Variants in PLCB1 observed in about 807,000 individuals in gnomAD.
PLCB1 encodes the protein phospholipase C beta 1, also known as 1-phosphatidylinositol 4,5-bisphosphate phosphodiesterase beta-1.
PLCB1 carries 46 observed loss-of-function variants against 161.8 expected under a neutral mutation model. That is an observed-to-expected ratio of 0.28 (90% CI 0.22 to 0.36). PLCB1 has a LOEUF of 0.36. Ranked by LOEUF, PLCB1 falls within the 10% of genes least tolerant of loss-of-function variation. PLCB1 has a pLI of 1.00. For missense variants in PLCB1, 1,016 were observed against 1,472.5 expected (o/e 0.69, Z 5.07); for synonymous variants, 517 against 503.7 (o/e 1.03, Z -0.35).
Position 8,769,957 on chromosome 20 carries a change from T to A in PLCB1, c.2931-4582T>A, listed in dbSNP as rs182126713. On this transcript the variant is annotated intron_variant, in intron 26 of 31. Transcript: ENST00000338037. ...GTAATAAAATCATCTCTTTTTTTTT[T>A]GTTTTTTGTTTTTGAGATGGAGTCT... Among the ~76,000 whole-genome samples the A allele has an allele frequency of 4.2e-3, 643 of 152,214 alleles. 4 individuals are homozygous for A. The highest frequency in any genetic ancestry group is 0.015 in the African/African-American group (611 of 41,520).
intron 31 of PLCB1, among the ~76,000 whole-genome samples, chr20:8,821,585 G>A (rs1208160862): frequency 7.2e-6 from 1 of 138,908 alleles, no homozygotes; most frequent in Non-Finnish European, 1.5e-5. Context: ...AAAATGGAGG[G>A]AGGAGAGTAG....
intron 3 of PLCB1, among the ~76,000 whole-genome samples, chr20:8,436,330 A>G (rs1234643485): frequency 1.8e-5 from 1 of 56,290 alleles, no homozygotes; most frequent in African/African-American, 8.1e-5. Context: ...ACCCTGTCAA[A>G]AAAAAAAAAA....
intron 3 of PLCB1, among the ~76,000 whole-genome samples, chr20:8,458,883 T>A (rs1981446406): frequency 6.6e-6 from 1 of 152,206 alleles, no homozygotes; most frequent in South Asian, 2.1e-4. Flanking sequence ...TGACACTCCA[T>A]AAAATACTCT....
chr20:8,350,938 C>T (rs1241126255), intron 2 of PLCB1, among the ~76,000 whole-genome samples: 1 of 152,020 alleles, frequency 6.6e-6, no homozygotes, highest in African/African-American at 2.4e-5. Context: ...TCACATTGAA[C>T]CACGGATTCA....
intron 2 of PLCB1, among the ~76,000 whole-genome samples, chr20:8,279,110 G>A (rs1332081003): frequency 6.6e-6 from 1 of 152,048 alleles, no homozygotes; most frequent in Non-Finnish European, 1.5e-5. Flanking sequence ...TCCTCAAAAA[G>A]TTAAACATAG....
At chr20:8,276,936 T>C (rs6140581) in intron 2 of PLCB1, among the ~76,000 whole-genome samples, 967 of 30,676 alleles carry the variant, frequency 0.032, 10 homozygotes, top group African/African-American at 0.077. Context: ...TTTCTTCTTC[T>C]TCTTCTTCTT....
At chr20:8,627,938 G>T (rs1476889751) in intron 3 of PLCB1, among the ~76,000 whole-genome samples, 7 of 152,156 alleles carry the variant, frequency 4.6e-5, no homozygotes, top group Non-Finnish European at 8.8e-5. Context: ...CTTTGTCTTA[G>T]TGCATTCAGG....
At chr20:8,658,507 T>A (rs773259410) in intron 8 of PLCB1, 31 bp from the exon 9 acceptor site, 49 of 1,528,792 alleles carry the variant, frequency 3.2e-5, no homozygotes, top group Non-Finnish European at 4.2e-5. Flanking sequence ...GTTTAAAAAA[T>A]TCTTATTGCT....
At chr20:8,820,158 G>A (rs1250733407) in intron 31 of PLCB1, among the ~76,000 whole-genome samples, 2 of 146,532 alleles carry the variant, frequency 1.4e-5, no homozygotes, top group Admixed American at 6.8e-5. Flanking sequence ...AGGTGGATAC[G>A]AATTCAACCA....
In PLCB1 at chr20:8,710,315, A is replaced by C. The variant is rs189796372; in HGVS notation, c.1250+1563A>C. 1.0e-3 allele frequency among the ~76,000 whole-genome samples: 156 copies of C among 152,172 alleles called. 1 individual carries two copies. The highest frequency in any genetic ancestry group is 6.0e-4 in the Non-Finnish European group (41 of 68,000). ...CATGAGAACTCACTATCGCAACAACAGTACCAAGGGGAATGGTGTTACACC... is the reference window on the plus strand; with the variant it reads ...CATGAGAACTCACTATCGCAACAACCGTACCAAGGGGAATGGTGTTACACC... On this transcript the variant is annotated intron_variant, in intron 12 of 31. Transcript: ENST00000338037.
intron 2 of PLCB1, among the ~76,000 whole-genome samples, chr20:8,288,691 C>T (rs1031206504): frequency 1.3e-5 from 2 of 152,102 alleles, no homozygotes; most frequent in Admixed American, 1.3e-4. Flanking sequence ...CAGCTGTTAG[C>T]AGCTGACACC....
intron 3 of PLCB1, among the ~76,000 whole-genome samples, chr20:8,528,460 A>G (rs1984669554): frequency 6.6e-6 from 1 of 152,108 alleles, no homozygotes; most frequent in Non-Finnish European, 1.5e-5. Flanking sequence ...AAGTTATTCC[A>G]TTCATACGAG....
At chr20:8,754,934 A>G (rs575885073) in intron 23 of PLCB1, among the ~76,000 whole-genome samples, 1 of 152,306 alleles carries the variant, frequency 6.6e-6, no homozygotes, top group African/African-American at 2.4e-5. Flanking sequence ...TTTGCATATA[A>G]TTCTAGGGAG....
chr20:8,802,357 G>A (rs1193819642), intron 31 of PLCB1: 4 of 518,262 alleles, frequency 7.7e-6, no homozygotes, highest in Non-Finnish European at 1.3e-5. Flanking sequence ...CCTTCCTCTG[G>A]TATTAATTTC....
intron 2 of PLCB1, among the ~76,000 whole-genome samples, chr20:8,224,406 C>T (rs1053280293): frequency 9.2e-5 from 14 of 152,086 alleles, no homozygotes; most frequent in African/African-American, 1.7e-4. Context: ...TGACTAATAA[C>T]GTCTAGATTA....
chr20:8,263,040 A>G (rs2743165), intron 2 of PLCB1, among the ~76,000 whole-genome samples: 54,357 of 152,018 alleles, frequency 0.36, 9,791 homozygotes, highest in East Asian at 0.44. Flanking sequence ...GAACACATAA[A>G]CATTCCTAAT....
chr20:8,196,843 A>G (rs1314627463), intron 2 of PLCB1, among the ~76,000 whole-genome samples: 1 of 140,096 alleles, frequency 7.1e-6, no homozygotes, highest in African/African-American at 2.7e-5. Context: ...AACAGGCCCC[A>G]GTGTGTGATG....
At chr20:8,220,000 A>G (rs1979323004) in intron 2 of PLCB1, among the ~76,000 whole-genome samples, 1 of 152,168 alleles carries the variant, frequency 6.6e-6, no homozygotes, top group Non-Finnish European at 1.5e-5. Flanking sequence ...AATGCCTGGC[A>G]TACAATAAGA....
chr20:8,435,086 G>A (rs1423675838), intron 3 of PLCB1, among the ~76,000 whole-genome samples: 1 of 152,176 alleles, frequency 6.6e-6, no homozygotes, highest in African/African-American at 2.4e-5. Flanking sequence ...AGAGCTACAA[G>A]GTTAATCCAT....
Sources: allele counts gnomAD v4.1 joint callset (sites outside exome capture counted in the v4.1 genomes callset), GRCh38; gene constraint gnomAD v4.1.1; transcripts MANE v1.5; gene names NCBI Gene and HGNC (gene_info 2026-07-23, HGNC 2026-07-21).